Variants in PMM2 observed in about 807,000 individuals in gnomAD.
PMM2 encodes phosphomannomutase 2, also known as mannose-6-phosphate isomerase.
A neutral mutation model predicts 33.2 loss-of-function variants in PMM2; 35 were observed. That is an observed-to-expected ratio of 1.06 (90% CI 0.81 to 1.40). The LOEUF (loss-of-function observed/expected upper bound fraction) is 1.40, where lower values mean the gene tolerates loss of function less well. Among genes scored for constraint, PMM2 ranks in the 40% most tolerant of loss-of-function variants. PMM2 has a pLI of 0.00. For synonymous variants in PMM2, 153 were observed against 114.7 expected, an observed-to-expected ratio of 1.33 and a Z score of -2.13; for missense variants, 386 against 306.0, an observed-to-expected ratio of 1.26 and a Z score of -1.95.
At chr16:8,800,108 C>T (rs904359987) in intron 1 of PMM2, among the ~76,000 whole-genome samples, 5 of 152,066 alleles carry the variant, frequency 3.3e-5, no homozygotes, top group African/African-American at 1.2e-4. Context: ...CCTATAATCC[C>T]AGCACTTGGG....
intron 7 of PMM2, chr16:8,829,155 C>G (rs1027995499): frequency 1.3e-5 from 2 of 152,156 alleles, no homozygotes; most frequent in African/African-American, 4.8e-5. Context: ...TTCCCTACAG[C>G]CTAAGTCTAG....
At chr16:8,811,254 G>T (rs2060676214) in intron 5 of PMM2, 76 bp downstream of exon 5, 4 of 1,013,850 alleles carry the variant, frequency 3.9e-6, no homozygotes, top group Admixed American at 2.0e-5. Context: ...GGTGGTTCAT[G>T]CCTGTAATCC....
intron 7 of PMM2, chr16:8,832,806 C>A: frequency 1.0e-6 from 1 of 985,400 alleles, no homozygotes; most frequent in Non-Finnish European, 1.2e-6. Context: ...CGGCCCCAGC[C>A]CCTGCCCATC....
At chr16:8,834,661 G>A (rs1227464852) in intron 7 of PMM2, among the ~76,000 whole-genome samples, 1 of 151,966 alleles carries the variant, frequency 6.6e-6, no homozygotes, top group Admixed American at 6.6e-5. Context: ...ATTTCCTTGA[G>A]GATAGATTTC....
intron 7 of PMM2, among the ~76,000 whole-genome samples, chr16:8,846,164 C>G (rs878863362): frequency 6.6e-6 from 1 of 152,190 alleles, no homozygotes; most frequent in Admixed American, 6.5e-5. Flanking sequence ...GGCCCAGCGA[C>G]GTTCCCTCCT....
At chr16:8,835,810 G>A (rs2060841983) in intron 7 of PMM2, among the ~76,000 whole-genome samples, 2 of 151,918 alleles carry the variant, frequency 1.3e-5, no homozygotes, top group African/African-American at 2.4e-5. Context: ...TAATGAGATG[G>A]TAAGGGGTGC....
intron 7 of PMM2, among the ~76,000 whole-genome samples, chr16:8,823,349 G>C (rs138082122): frequency 0.045 from 6,884 of 152,242 alleles, 233 homozygotes; most frequent in Middle Eastern, 0.13. Flanking sequence ...GTAGCCCACA[G>C]AGAATTCAGG....
chr16:8,814,285 C>T (rs773914778), intron 7 of PMM2, among the ~76,000 whole-genome samples: 1 of 152,168 alleles, frequency 6.6e-6, no homozygotes, highest in Non-Finnish European at 1.5e-5. Flanking sequence ...CCAGCCCCAT[C>T]ACCTTTTCAG....
At chr16:8,823,625 G>A (rs1260148330) in intron 7 of PMM2, among the ~76,000 whole-genome samples, 1 of 141,568 alleles carries the variant, frequency 7.1e-6, no homozygotes, top group Admixed American at 7.1e-5. Context: ...CTGAAACTTT[G>A]TTCCATAAGA....
At chr16:8,844,878 T>C (rs1414950380) in intron 7 of PMM2, among the ~76,000 whole-genome samples, 2 of 152,058 alleles carry the variant, frequency 1.3e-5, no homozygotes, top group Non-Finnish European at 2.9e-5. Context: ...AGAGGCTGCT[T>C]ATTGGATTTG....
chr16:8,838,637 G>C (rs1355753123), intron 7 of PMM2, among the ~76,000 whole-genome samples: 1 of 151,966 alleles, frequency 6.6e-6, no homozygotes, highest in African/African-American at 2.4e-5. Flanking sequence ...AGAATGATTG[G>C]TGATGGTCTG....
chr16:8,805,656 A>G (rs1386871843), intron 3 of PMM2, among the ~76,000 whole-genome samples: 1 of 151,406 alleles, frequency 6.6e-6, no homozygotes, highest in African/African-American at 2.4e-5. Flanking sequence ...GCAGTGGCTC[A>G]ATCCTGGCTC....
chr16:8,847,935 C>T lies in PMM2; in HGVS notation c.*110C>T, dbSNP rs1480799173. The T allele has an allele frequency of 3.9e-6, 3 of 768,464 alleles. No individual in the cohort carries two copies. The highest frequency in any genetic ancestry group is 4.0e-5 in the Admixed American group (2 of 50,098). The allele number at this position is 768,464 out of a possible 1,614,324, so 47.6% of individuals were successfully genotyped here. ...CTCACCCACCCGCAGCCTAGGCAGG[C>T]TCTGCATGCTATGCCAGGCATGTGC... On this transcript the variant is annotated 3_prime_UTR_variant, in exon 8 of 8. Transcript: ENST00000268261.
intron 7 of PMM2, among the ~76,000 whole-genome samples, chr16:8,830,071 T>C (rs758149612): frequency 2.5e-4 from 38 of 152,298 alleles, no homozygotes; most frequent in Middle Eastern, 3.4e-3. Flanking sequence ...TTACAGGACG[T>C]CTCCCCAGGA....
intron 7 of PMM2, among the ~76,000 whole-genome samples, chr16:8,824,097 A>G (rs1193949613): frequency 2.6e-5 from 4 of 152,214 alleles, no homozygotes; most frequent in Non-Finnish European, 5.9e-5. Flanking sequence ...TATGCTCTAA[A>G]TTTTGCTCAC....
chr16:8,829,008 C>T (rs961979023), intron 7 of PMM2, among the ~76,000 whole-genome samples: 1 of 152,042 alleles, frequency 6.6e-6, no homozygotes, highest in South Asian at 2.1e-4. Flanking sequence ...GATGGAGTCT[C>T]ACTCTATTGC....
At chr16:8,827,977 A>AT in intron 7 of PMM2, among the ~76,000 whole-genome samples, 1 of 133,506 alleles carries the variant, frequency 7.5e-6, no homozygotes, top group Non-Finnish European at 1.6e-5. Flanking sequence ...ATATATATAT[A>AT]AAACTTGGAT....
intron 7 of PMM2, among the ~76,000 whole-genome samples, chr16:8,819,140 A>C (rs986732414): frequency 1.3e-5 from 2 of 152,244 alleles, no homozygotes; most frequent in African/African-American, 4.8e-5. Context: ...GCACTCAAGC[A>C]TGTGTGAAAG....
At chr16:8,822,041 G>T (rs560515556) in intron 7 of PMM2, among the ~76,000 whole-genome samples, 12 of 152,340 alleles carry the variant, frequency 7.9e-5, no homozygotes, top group Admixed American at 5.9e-4. Context: ...AATTCACGCA[G>T]AGCTGGCTGT....
Sources: allele counts gnomAD v4.1 joint callset (sites outside exome capture counted in the v4.1 genomes callset), GRCh38; gene constraint gnomAD v4.1.1; transcripts MANE v1.5; gene names NCBI Gene and HGNC (gene_info 2026-07-23, HGNC 2026-07-21).